MEI4: variants seen among roughly 807,000 people sequenced by gnomAD.
MEI4 encodes the protein meiosis-specific protein MEI4.
In MEI4, 27 loss-of-function variants were observed where a neutral mutation model predicts 31.4. The observed-to-expected ratio is 0.86, with a 90% CI of 0.63 to 1.19. The LOEUF is 1.19. Ranked by LOEUF, MEI4 falls within the 50% of genes most tolerant of loss-of-function variation. The pLI is 0.00. For missense variants in MEI4, 329 were observed against 398.9 expected (o/e 0.82, Z 1.49); for synonymous variants, 122 against 145.4 (o/e 0.84, Z 1.16).
intron 4 of MEI4, among the ~76,000 whole-genome samples, chr6:77,904,506 T>C (rs1581966200): frequency 6.6e-6 from 1 of 152,214 alleles, no homozygotes; most frequent in South Asian, 2.1e-4. Flanking sequence ...GCTCTTCTCT[T>C]TTTGTCCATG....
In MEI4 at chr6:77,749,502, T is replaced by C. The variant is rs140723743; in HGVS notation, c.233-11628T>C. Among the ~76,000 whole-genome samples the C allele has an allele frequency of 1.4e-3, 212 of 151,804 alleles. 1 individual carries two copies. Among genetic ancestry groups the C allele is most frequent in the African/African-American group, 4.5e-3 (187 of 41,412 alleles). On this transcript the variant is annotated intron_variant, in intron 2 of 4. Transcript: ENST00000684080. ...AGTATCAATAGCTGAATCGATCAAG[T>C]GGAAGAAAGGATATCAGAGATTGAA...
At chr6:77,711,354 A>G (rs1023048730) in intron 2 of MEI4, among the ~76,000 whole-genome samples, 10 of 151,938 alleles carry the variant, frequency 6.6e-5, no homozygotes, top group African/African-American at 9.7e-5. Context: ...GTGTGTGTGT[A>G]TATATATGTA....
At chr6:77,819,557 C>G (rs1769767853) in intron 3 of MEI4, among the ~76,000 whole-genome samples, 1 of 152,070 alleles carries the variant, frequency 6.6e-6, no homozygotes, top group Admixed American at 6.5e-5. Context: ...CTAAGTGATA[C>G]CCTAAGCTCT....
At chr6:77,893,464 G>C (rs1766011203) in intron 4 of MEI4, among the ~76,000 whole-genome samples, 1 of 152,120 alleles carries the variant, frequency 6.6e-6, no homozygotes, top group South Asian at 2.1e-4. Context: ...ACACTACTAC[G>C]GTAACACTTT....
intron 4 of MEI4, among the ~76,000 whole-genome samples, chr6:77,874,250 T>A (rs1038504661): frequency 6.6e-6 from 1 of 152,244 alleles, no homozygotes; most frequent in African/African-American, 2.4e-5. Context: ...TGGAATGTTC[T>A]TCCATTTGTT....
intron 3 of MEI4, among the ~76,000 whole-genome samples, chr6:77,803,266 G>T (rs540629709): frequency 6.6e-6 from 1 of 152,084 alleles, no homozygotes; most frequent in African/African-American, 2.4e-5. Flanking sequence ...GATCAAATCG[G>T]CTACTGAGGC....
intron 1 of MEI4, among the ~76,000 whole-genome samples, 112 bp downstream of exon 1, chr6:77,653,204 A>G (rs1219813094): frequency 6.6e-6 from 1 of 152,204 alleles, no homozygotes; most frequent in Non-Finnish European, 1.5e-5. Flanking sequence ...CAAGCCAGTT[A>G]TTTCTGCATT....
intron 3 of MEI4, among the ~76,000 whole-genome samples, chr6:77,803,130 T>G (rs536274759): frequency 6.6e-6 from 1 of 152,356 alleles, no homozygotes; most frequent in East Asian, 1.9e-4. Context: ...AGATTTGGTC[T>G]TTTCACATAG....
intron 4 of MEI4, among the ~76,000 whole-genome samples, chr6:77,906,085 G>A (rs373670685): frequency 4.6e-5 from 7 of 151,570 alleles, no homozygotes; most frequent in East Asian, 3.9e-4. Flanking sequence ...TTGTTATCCC[G>A]ATTTCAATAA....
At chr6:77,774,740 A>G (rs1221410723) in intron 3 of MEI4, among the ~76,000 whole-genome samples, 1 of 151,920 alleles carries the variant, frequency 6.6e-6, no homozygotes, top group Non-Finnish European at 1.5e-5. Context: ...AAGGGTAGAG[A>G]GCTGCAGCTC....
intron 2 of MEI4, among the ~76,000 whole-genome samples, chr6:77,737,648 A>G (rs1212130466): frequency 2.6e-5 from 4 of 152,084 alleles, no homozygotes; most frequent in African/African-American, 7.3e-5. Context: ...CATGGAATAA[A>G]TAAGCCTTGA....
chr6:77,740,828 A>G (rs1230807908), intron 2 of MEI4, among the ~76,000 whole-genome samples: 3 of 151,920 alleles, frequency 2.0e-5, no homozygotes, highest in Admixed American at 2.0e-4. Flanking sequence ...AAATATATAT[A>G]TAATATGAAT....
chr6:77,703,776 T>G (rs1404022189), intron 2 of MEI4, among the ~76,000 whole-genome samples: 1 of 152,140 alleles, frequency 6.6e-6, no homozygotes, highest in Admixed American at 6.6e-5. Flanking sequence ...TAGTGTAATA[T>G]CAATCCCATT....
In MEI4 at chr6:77,799,870, T is replaced by C. The variant is rs537581364; in HGVS notation, c.769-29061T>C. Among the ~76,000 whole-genome samples, 49 of 152,038 alleles carry C rather than the reference T, an allele frequency of 3.2e-4. 1 individual carries two copies. In the East Asian group the frequency reaches 6.2e-3, roughly 19 times the overall value. On this transcript the variant is annotated intron_variant, in intron 3 of 4. Coordinates refer to ENST00000684080, the MANE Select transcript of MEI4 (RefSeq NM_001322247.2). The stretch of plus-strand genomic sequence containing the variant: ...TTCGTCTATATCTCTGCTTTGGTAC[T>C]GGTACCATGCTGTTTTGGTTACTGT...
rs111554249 is a variant in MEI4, at chr6:77,692,873, G to A, written c.232+1970G>A. On this transcript the variant is annotated intron_variant, in intron 2 of 4. Transcript: ENST00000684080. The stretch of plus-strand genomic sequence containing the variant: ...AAGTATGGTCAGAGAGGATGAGCAT[G>A]CTAGAACTACAGACACAGACTTAGG... Among the ~76,000 whole-genome samples the A allele has an allele frequency of 7.2e-5, 11 of 152,032 alleles. No homozygotes were observed. The South Asian group carries it at 1.9e-3, about 26-fold the overall frequency.
intron 3 of MEI4, among the ~76,000 whole-genome samples, chr6:77,782,761 C>T (rs1478194472): frequency 6.6e-6 from 1 of 152,094 alleles, no homozygotes; most frequent in East Asian, 1.9e-4. Context: ...ATTGCTGATA[C>T]CTGTTTTGCA....
intron 3 of MEI4, among the ~76,000 whole-genome samples, chr6:77,826,037 T>A (rs535582688): frequency 6.6e-6 from 1 of 152,264 alleles, no homozygotes; most frequent in East Asian, 1.9e-4. Flanking sequence ...CTCAACCTTA[T>A]AAGAGGAGGT....
intron 2 of MEI4, among the ~76,000 whole-genome samples, chr6:77,736,270 T>G (rs1767211315): frequency 6.6e-6 from 1 of 151,852 alleles, no homozygotes; most frequent in African/African-American, 2.4e-5. Context: ...CAGAGGGCTG[T>G]GCTAGCAATC....
intron 1 of MEI4, among the ~76,000 whole-genome samples, chr6:77,689,079 T>C (rs919889188): frequency 1.3e-5 from 2 of 152,088 alleles, no homozygotes; most frequent in African/African-American, 4.8e-5. Context: ...ATAATTGATA[T>C]ATGTTAATTG....
Sources: allele counts gnomAD v4.1 joint callset (sites outside exome capture counted in the v4.1 genomes callset), GRCh38; gene constraint gnomAD v4.1.1; transcripts MANE v1.5; gene names NCBI Gene and HGNC (gene_info 2026-07-23, HGNC 2026-07-21).